The following BANP variants were observed in gnomAD, a reference collection of about 807,000 sequenced individuals.
The protein encoded by BANP is protein BANP.
A neutral mutation model predicts 68.1 loss-of-function variants in BANP; 11 were observed. The ratio of observed to expected loss-of-function variants is 0.16; its 90% CI spans 0.10 to 0.27. BANP has a LOEUF of 0.27. Ranked by LOEUF, BANP falls within the 10% of genes least tolerant of loss-of-function variation. BANP has a pLI of 1.00. For missense variants in BANP, 504 were observed against 722.7 expected, an observed-to-expected ratio of 0.70 and a Z score of 3.47; for synonymous variants, 329 against 303.2, an observed-to-expected ratio of 1.09 and a Z score of -0.88.
chr16:88,031,972 T>C (rs2078277651), intron 8 of BANP, among the ~76,000 whole-genome samples: 1 of 151,992 alleles, frequency 6.6e-6, no homozygotes. Context: ...ACCTGGCTAA[T>C]TTTTGTATTT....
chr16:88,027,179 G>A (rs1016517414), intron 7 of BANP, among the ~76,000 whole-genome samples: 1 of 152,230 alleles, frequency 6.6e-6, no homozygotes, highest in Admixed American at 6.5e-5. Context: ...TCTTGTGAGA[G>A]CCCCAAGTGT....
chr16:87,971,312 C>G (rs1188061485), intron 1 of BANP, among the ~76,000 whole-genome samples: 1 of 152,236 alleles, frequency 6.6e-6, no homozygotes, highest in Non-Finnish European at 1.5e-5. Flanking sequence ...GCTAGCCGCT[C>G]TTCCCAATGC....
At chr16:88,061,337 C>T (rs973716431) in intron 11 of BANP, among the ~76,000 whole-genome samples, 1 of 152,212 alleles carries the variant, frequency 6.6e-6, no homozygotes, top group Non-Finnish European at 1.5e-5. Flanking sequence ...TTGTCTAAAA[C>T]GTTGGATCAG....
chr16:88,060,850 G>C (rs546485267), intron 11 of BANP, among the ~76,000 whole-genome samples: 19 of 151,520 alleles, frequency 1.3e-4, no homozygotes, highest in Non-Finnish European at 2.4e-4. Context: ...ACTCTTCGTC[G>C]TCCCCTGCCC....
At chr16:88,048,858 G>GC (rs2082609975) in intron 11 of BANP, among the ~76,000 whole-genome samples, 1 of 152,182 alleles carries the variant, frequency 6.6e-6, no homozygotes, top group African/African-American at 2.4e-5. Flanking sequence ...TATCGAATTG[G>GC]CGCTCACCAC....
rs1468444429 is a variant in BANP at position 88,071,999 on chromosome 16, G to C, written c.1378-70G>C. 2 of 1,533,150 alleles carry C rather than the reference G, an allele frequency of 1.3e-6. No individual in the cohort carries two copies. Among genetic ancestry groups the C allele is most frequent in the Non-Finnish European group, 1.7e-6 (2 of 1,143,016 alleles). 95.0% of individuals were successfully genotyped at this position (1,533,150 alleles called of 1,614,324 possible). Reference sequence around the variant, plus strand: ...TGTGGGCTGGGGTCTGCGGTCTGTGGAGCCATGTGGGTTGTGGGTTGTGGG... The same window carrying C: ...TGTGGGCTGGGGTCTGCGGTCTGTGCAGCCATGTGGGTTGTGGGTTGTGGG... On this transcript the variant is annotated intron_variant, in intron 12 of 13. Coordinates refer to ENST00000682872, the MANE Select transcript of BANP (RefSeq NM_001386991.1). The surrounding 1 kb of genome is among the most constrained non-coding windows in gnomAD (Gnocchi z 6.5).
chr16:88,024,095 C>G (rs1598555883), intron 7 of BANP, among the ~76,000 whole-genome samples: 1 of 152,230 alleles, frequency 6.6e-6, no homozygotes, highest in Non-Finnish European at 1.5e-5. Context: ...TGAAGTCCGA[C>G]TAGGCCTCCC....
At chr16:88,074,074 G>A (rs2091062590) in intron 13 of BANP, among the ~76,000 whole-genome samples, 1 of 152,336 alleles carries the variant, frequency 6.6e-6, no homozygotes, top group African/African-American at 2.4e-5. Flanking sequence ...CCAGCTCTCT[G>A]CCTTACCATC....
At position 88,036,028 on chromosome 16, in the gene BANP, C is replaced by T. The variant is rs1185120197; in HGVS notation, c.1272+634C>T. On this transcript the variant is annotated intron_variant, in intron 10 of 13. Coordinates refer to ENST00000682872, the MANE Select transcript of BANP (RefSeq NM_001386991.1). This position sits in a 1 kb window ranked among gnomAD's most constrained non-coding sequence, Gnocchi z 4.2. ...GTGACAGTCTGAGTTCTTGGAAAGCCGAGGCCAGCCTGTTGCGATGCTCCA... is the reference window on the plus strand; with the variant it reads ...GTGACAGTCTGAGTTCTTGGAAAGCTGAGGCCAGCCTGTTGCGATGCTCCA... Among the ~76,000 whole-genome samples, 1 of 152,182 alleles carries T rather than the reference C, an allele frequency of 6.6e-6. No individual in the cohort carries two copies. The highest frequency in any genetic ancestry group is 2.4e-5 in the African/African-American group (1 of 41,436).
At chr16:88,062,679 G>A (rs538247077) in intron 11 of BANP, among the ~76,000 whole-genome samples, 21 of 152,338 alleles carry the variant, frequency 1.4e-4, no homozygotes, top group Admixed American at 1.2e-3. Context: ...GACACCGTCC[G>A]TTCCAATGAG....
chr16:88,066,413 G>C (rs1399619601), intron 12 of BANP, among the ~76,000 whole-genome samples: 1 of 152,146 alleles, frequency 6.6e-6, no homozygotes, highest in African/African-American at 2.4e-5. Flanking sequence ...TGGATTGCTG[G>C]GTACTGCGGG....
upstream of BANP, among the ~76,000 whole-genome samples, chr16:87,950,130 G>C (rs112394096): frequency 5.6e-4 from 85 of 152,300 alleles, 1 homozygote; most frequent in African/African-American, 2.0e-3. Context: ...ACCCGCCTCG[G>C]CCTCCCAAAG....
intron 12 of BANP, among the ~76,000 whole-genome samples, chr16:88,065,799 T>TAG (rs906525519): frequency 1.3e-5 from 2 of 152,026 alleles, no homozygotes; most frequent in Admixed American, 6.6e-5. Context: ...CTTGCTCAGG[T>TAG]AGAGCACAAG....
In BANP at chr16:88,062,542, G is replaced by A. The variant is rs548615750; in HGVS notation, c.1312-2725G>A. Among the ~76,000 whole-genome samples, 300 of 152,306 alleles carry A rather than the reference G, an allele frequency of 2.0e-3. 1 individual carries two copies. The highest frequency in any genetic ancestry group is 2.3e-3 in the Non-Finnish European group (158 of 68,032). The stretch of plus-strand genomic sequence containing the variant: ...CTGAATGGAGCTGGGAAAGTAGCAC[G>A]TGTCTCCAGCCCTGTCCCCAACCAC... On this transcript the variant is annotated intron_variant, in intron 11 of 13. Transcript: ENST00000682872.
At chr16:88,025,201 T>C (rs1034428066) in intron 7 of BANP, among the ~76,000 whole-genome samples, 1 of 152,236 alleles carries the variant, frequency 6.6e-6, no homozygotes, top group African/African-American at 2.4e-5. Context: ...TGGGCTCTCA[T>C]GAAACTATTG....
intron 4 of BANP, among the ~76,000 whole-genome samples, chr16:87,993,410 TC>T (rs2066383315): frequency 6.6e-6 from 1 of 152,174 alleles, no homozygotes; most frequent in African/African-American, 2.4e-5. Flanking sequence ...TATTCACTCA[TC>T]CGTTTCCATC....
chr16:87,996,835 C>T (rs1203123711), intron 4 of BANP, among the ~76,000 whole-genome samples: 2 of 152,238 alleles, frequency 1.3e-5, no homozygotes, highest in Non-Finnish European at 2.9e-5. Flanking sequence ...TAAAACATGG[C>T]AAACACAAAT....
At chr16:87,989,228 CTT>C (rs992178462) in intron 4 of BANP, among the ~76,000 whole-genome samples, 25 of 152,306 alleles carry the variant, frequency 1.6e-4, no homozygotes, top group Admixed American at 1.5e-3. Context: ...GAAAAATGGT[CTT>C]TTAAGTTTTG....
intron 4 of BANP, among the ~76,000 whole-genome samples, chr16:87,995,274 G>C (rs1294579665): frequency 6.6e-6 from 1 of 152,168 alleles, no homozygotes; most frequent in East Asian, 1.9e-4. Context: ...GGGGGTTTTT[G>C]GGGGGCCTGC....
Sources: allele counts gnomAD v4.1 joint callset (sites outside exome capture counted in the v4.1 genomes callset), GRCh38; gene constraint gnomAD v4.1.1; non-coding constraint Gnocchi (gnomAD v3.1); transcripts MANE v1.5; gene names NCBI Gene and HGNC (gene_info 2026-07-23, HGNC 2026-07-21).